SNX27: variants seen among roughly 807,000 people sequenced by gnomAD.
SNX27 encodes the protein sorting nexin 27.
SNX27 carries 22 observed loss-of-function variants against 71.6 expected under a neutral mutation model. The observed-to-expected ratio is 0.31, with a 90% confidence interval of 0.22 to 0.44. The LOEUF is 0.44. SNX27 is among the 20% of genes least tolerant of loss of function. The probability of loss-of-function intolerance (pLI) is 1.00; values close to 1 mark genes in which losing one functional copy is unlikely to be tolerated. For synonymous variants in SNX27, 269 were observed against 277.2 expected (o/e 0.97, Z 0.29); for missense variants, 531 against 698.6 (o/e 0.76, Z 2.70).
chr1:151,636,857 A>G (rs562513201), intron 1 of SNX27, among the ~76,000 whole-genome samples: 2 of 152,124 alleles, frequency 1.3e-5, no homozygotes, highest in African/African-American at 4.8e-5. Flanking sequence ...TAAGATTTCC[A>G]TTTCTTCTTT....
chr1:151,660,798 T>C lies in SNX27; in HGVS notation c.737T>C (p.Val246Ala). 1 of 1,610,558 alleles carries C rather than the reference T, an allele frequency of 6.2e-7. No homozygotes were observed. Among genetic ancestry groups the C allele is most frequent in the Non-Finnish European group, 8.5e-7 (1 of 1,176,868 alleles). ...RRGLEEYLEK[V>A]CSIRVIGESD... Reference sequence around the variant, plus strand: ...CAGATTTTATCTTTATTTTCTACAGTGTGTTCAATACGAGTAATTGGTGAG... The same window carrying C: ...CAGATTTTATCTTTATTTTCTACAGCGTGTTCAATACGAGTAATTGGTGAG... The change falls in exon 4 of 12, where the codon GTG (valine) becomes GCG (alanine). Residue 246 changes from valine to alanine, a missense_variant and splice_region_variant. By Grantham distance (64) the Val-to-Ala change is moderately conservative. Transcript: ENST00000458013.
chr1:151,643,216 G>C (rs1037454977), intron 2 of SNX27, among the ~76,000 whole-genome samples: 17 of 151,654 alleles, frequency 1.1e-4, no homozygotes, highest in African/African-American at 3.9e-4. Flanking sequence ...CGCCCGCCTC[G>C]GCCTCCCAAA....
rs1456457796 is a variant in SNX27, at chr1:151,695,108, G to A, written c.*691G>A. On this transcript the variant is annotated 3_prime_UTR_variant, in exon 12 of 12. Coordinates refer to ENST00000458013, the MANE Select transcript of SNX27 (RefSeq NM_001330723.2). Reference sequence around the variant, plus strand: ...TTGCCATAGAGTCTAGGAACAAGGAGTATAGTTTCTTTATCTTCCAAGAGG... The same window carrying A: ...TTGCCATAGAGTCTAGGAACAAGGAATATAGTTTCTTTATCTTCCAAGAGG... The A allele has an allele frequency of 6.6e-6, 1 of 152,588 alleles. No individual in the cohort carries two copies. The highest frequency in any genetic ancestry group is 1.5e-5 in the Non-Finnish European group (1 of 68,066). 9.5% of individuals were successfully genotyped at this position (152,588 alleles called of 1,614,324 possible).
At chr1:151,632,516 A>G (rs1048577581) in intron 1 of SNX27, among the ~76,000 whole-genome samples, 3 of 152,168 alleles carry the variant, frequency 2.0e-5, no homozygotes, top group African/African-American at 7.2e-5. Context: ...TTTATAGGAG[A>G]TTAAGACAAA....
chr1:151,677,076 T>G (rs961757885), intron 7 of SNX27: 1 of 152,106 alleles, frequency 6.6e-6, no homozygotes, highest in African/African-American at 2.4e-5. Flanking sequence ...GGCTAAGCCT[T>G]CCTTTTTTAA....
At chr1:151,646,008 T>G (rs1296576668) in intron 2 of SNX27, among the ~76,000 whole-genome samples, 1 of 152,226 alleles carries the variant, frequency 6.6e-6, no homozygotes, top group Non-Finnish European at 1.5e-5. Flanking sequence ...GGTTTTTCTT[T>G]ATTTATAATG....
At chr1:151,633,402 A>G (rs1391680170) in intron 1 of SNX27, among the ~76,000 whole-genome samples, 2 of 151,936 alleles carry the variant, frequency 1.3e-5, no homozygotes, top group Non-Finnish European at 1.5e-5. Flanking sequence ...GGTACAAGCA[A>G]TCCTCCTACC....
rs147916620 is a variant in SNX27, at chr1:151,626,142, A to G, written c.312-12746A>G. Among the ~76,000 whole-genome samples, 470 of 152,114 alleles carry G rather than the reference A, an allele frequency of 3.1e-3. 1 individual carries two copies. Among genetic ancestry groups the G allele is most frequent in the African/African-American group, 0.011 (448 of 41,506 alleles). The stretch of plus-strand genomic sequence containing the variant: ...AGACTCCGTTTCAAAAAAATAAAAA[A>G]TAAAATTAAAAAAGATTGAATCAAT... On this transcript the variant is annotated intron_variant, in intron 1 of 11. Coordinates refer to ENST00000458013, the MANE Select transcript of SNX27 (RefSeq NM_001330723.2).
chr1:151,629,485 A>T (rs972912167), intron 1 of SNX27: 8 of 151,110 alleles, frequency 5.3e-5, no homozygotes, highest in South Asian at 2.1e-4. Flanking sequence ...ATACGTATAT[A>T]TACATGTATG....
intron 8 of SNX27, among the ~76,000 whole-genome samples, chr1:151,692,119 G>A (rs1372173993): frequency 2.0e-5 from 3 of 152,126 alleles, no homozygotes; most frequent in Non-Finnish European, 4.4e-5. Context: ...AGGATCACTG[G>A]AGGCTAAGGT....
intron 2 of SNX27, among the ~76,000 whole-genome samples, chr1:151,647,097 G>A (rs1669080480): frequency 6.7e-6 from 1 of 148,378 alleles, no homozygotes; most frequent in Non-Finnish European, 1.5e-5. Flanking sequence ...TTTTGCCTGG[G>A]TCTACTGACA....
chr1:151,639,678 G>C (rs1448294354), intron 2 of SNX27, among the ~76,000 whole-genome samples: 1 of 152,154 alleles, frequency 6.6e-6, no homozygotes, highest in African/African-American at 2.4e-5. Context: ...ATTCCCATGA[G>C]CTGTTTCACA....
At chr1:151,621,294 T>C (rs1267391986) in intron 1 of SNX27, among the ~76,000 whole-genome samples, 1 of 152,220 alleles carries the variant, frequency 6.6e-6, no homozygotes, top group Non-Finnish European at 1.5e-5. Context: ...CCCTGCCAAC[T>C]AAATAAGGTT....
chr1:151,616,269 G>C (rs990581954), intron 1 of SNX27, among the ~76,000 whole-genome samples: 2 of 152,274 alleles, frequency 1.3e-5, no homozygotes, highest in South Asian at 2.1e-4. Context: ...GGTTAAAGTA[G>C]TTCCAAGGAC....
In SNX27 at chr1:151,668,596, A is replaced by G. The variant is rs760132169; in HGVS notation, c.1110A>G (p.Leu370=). The G allele has an allele frequency of 2.5e-6, 4 of 1,613,930 alleles. No individual in the cohort carries two copies. In the African/African-American group the frequency reaches 4.0e-5, roughly 16 times the overall value. The change falls in exon 7 of 12, where the codon TTA becomes TTG. Residue 370 remains leucine, a synonymous_variant. Transcript: ENST00000458013. ...TTACAACAGAAGAAGAAATTCTCTT[A>G]AATGACAATGACCTTGCTGTTACCT... ...WLFTTEEEIL[L]NDNDLAVTYF...
Position 151,636,613 on chromosome 1 carries a change from C to T in SNX27, c.312-2275C>T, listed in dbSNP as rs1280663109. ...AGCCACACTGTGCCTAGCCTGTATC[C>T]AAGATATTAGTATTTTGGCCAGTCT... On this transcript the variant is annotated intron_variant, in intron 1 of 11. Transcript: ENST00000458013. 2.1e-5 allele frequency among the ~76,000 whole-genome samples: 3 copies of T among 142,232 alleles called. No individual in the cohort carries two copies. In the Admixed American group the frequency reaches 2.2e-4, roughly 10 times the overall value. The allele number at this position is 142,232 out of a possible 152,430, so 93.3% of individuals were successfully genotyped here.
intron 2 of SNX27, among the ~76,000 whole-genome samples, chr1:151,642,511 A>G (rs910679600): frequency 3.3e-5 from 5 of 152,202 alleles, no homozygotes; most frequent in Non-Finnish European, 7.3e-5. Flanking sequence ...CAGTTTTTAA[A>G]TTTATGGATA....
intron 3 of SNX27, chr1:151,660,281 T>C (rs1171843647): frequency 1.3e-5 from 2 of 151,900 alleles, no homozygotes; most frequent in Admixed American, 1.3e-4. Context: ...AAGCTAAAGT[T>C]AAAGTCAGTA....
intron 11 of SNX27, chr1:151,694,047 C>T: frequency 1.6e-6 from 2 of 1,231,652 alleles, no homozygotes; most frequent in Non-Finnish European, 2.0e-6. Flanking sequence ...TATTTTAGTA[C>T]AGTAGAAAGA....
Sources: gnomAD v4.1 joint callset for allele counts (sites outside exome capture counted in the v4.1 genomes callset) on GRCh38, gnomAD v4.1.1 for gene constraint, MANE v1.5 for transcripts, NCBI Gene and HGNC (gene_info 2026-07-23, HGNC 2026-07-21) for gene names.